The following MUC17 variants were observed in gnomAD, a reference collection of about 807,000 sequenced individuals.
MUC17 encodes the protein mucin 17, cell surface associated, also known as mucin-17.
Under a neutral mutation model 170.3 loss-of-function variants are expected in MUC17, and 190 were observed. That is an observed-to-expected ratio of 1.12 (90% confidence interval 0.99 to 1.26). The LOEUF (loss-of-function observed/expected upper bound fraction) is 1.26. MUC17 is among the 50% of genes most tolerant of loss of function. MUC17 has a pLI of 0.00. For synonymous variants in MUC17, 2,325 were observed against 2,002.5 expected (o/e 1.16, Z -4.30); for missense variants, 6,415 against 5,530.0 (o/e 1.16, Z -5.08).
intron 3 of MUC17, among the ~76,000 whole-genome samples, chr7:101,045,578 A>C (rs551338528): frequency 3.3e-5 from 5 of 152,006 alleles, no homozygotes; most frequent in African/African-American, 1.2e-4. Context: ...TTTTTAGTAG[A>C]GACAGGGTTT....
In MUC17 at chr7:101,034,169, C is replaced by T; in HGVS notation, c.2753C>T (p.Thr918Ile). ...GAAGGTACCAGCATGCCAACCTCAA[C>T]TCCTGGGGAAGGAAGCACTCCATTA... ...TSEGTSMPTSTPGEGSTPLTS... is the reference protein window; with the variant it reads ...TSEGTSMPTSIPGEGSTPLTS... Residue 918 changes from threonine to isoleucine, a missense_variant, in exon 3 of 13, where the codon ACT (threonine) becomes ATT (isoleucine). Coordinates refer to ENST00000306151, the MANE Select transcript of MUC17 (RefSeq NM_001040105.2). 1 of 1,584,636 alleles carries T rather than the reference C, an allele frequency of 6.3e-7. No homozygotes were observed. Among genetic ancestry groups the T allele is most frequent in the African/African-American group, 1.4e-5 (1 of 73,140 alleles).
Position 101,039,319 on chromosome 7 carries a change from T to C in MUC17, c.7903T>C (p.Leu2635=). The change falls in exon 3 of 13, where the codon TTA becomes CTA. Residue 2635 remains leucine (L), a synonymous_variant. Transcript: ENST00000306151. ...AACTCCTAGTGAAGTAAGTACTTCA[T>C]TAACAAGTATACTTGTCAGCACCAT... ...ISTPSEVSTS[L]TSILVSTMPV... The C allele has an allele frequency of 3.7e-5, 59 of 1,613,052 alleles. No individual in the cohort carries two copies. Among genetic ancestry groups the C allele is most frequent in the Non-Finnish European group, 4.9e-5 (58 of 1,179,542 alleles).
At chr7:101,021,369 G>T (rs1156642092) in intron 1 of MUC17, among the ~76,000 whole-genome samples, 1 of 151,892 alleles carries the variant, frequency 6.6e-6, no homozygotes, top group African/African-American at 2.4e-5. Flanking sequence ...TATATTTTTA[G>T]TAAGGACAGG....
rs746525334 is a variant in MUC17, at chr7:101,042,948, A to T, written c.11532A>T (p.Thr3844=). ...TLSTPPGDTS[T]PLLTSTKAGS... is the part of the protein sequence containing the mutation. The stretch of plus-strand genomic sequence containing the variant: ...CAACACCTCCTGGTGATACCAGCAC[A>T]CCTTTGCTCACCTCTACCAAAGCCG... The change falls in exon 3 of 13, where the codon ACA becomes ACT. Residue 3844 remains threonine, a synonymous_variant. Transcript: ENST00000306151. The T allele has an allele frequency of 9.9e-6, 16 of 1,613,926 alleles. No homozygotes were observed. In the African/African-American group the frequency reaches 2.0e-4, roughly 20 times the overall value.
Position 101,056,287 on chromosome 7 carries a change from T to A in MUC17, c.13440+17T>A, listed in dbSNP as rs1018485940. On this transcript the variant is annotated intron_variant, in intron 12 of 12. Coordinates refer to ENST00000306151, the MANE Select transcript of MUC17 (RefSeq NM_001040105.2). ...GAAACAAAGGTAAGAAGGGCCTGGA[T>A]GGGATGCTGGCCTCCCCCAACCCTG... is the stretch of plus-strand genomic sequence containing the variant. 1 of 1,613,266 alleles carries A rather than the reference T, an allele frequency of 6.2e-7. No homozygotes were observed. Among genetic ancestry groups the A allele is most frequent in the Non-Finnish European group, 8.5e-7 (1 of 1,179,568 alleles).
intron 1 of MUC17, among the ~76,000 whole-genome samples, chr7:101,026,897 G>C (rs1794190204): frequency 6.6e-6 from 1 of 151,782 alleles, no homozygotes; most frequent in Non-Finnish European, 1.5e-5. Context: ...TTTATTTTTA[G>C]TACAGACGAG....
Position 101,048,145 on chromosome 7 carries a change from C to T in MUC17, c.12535+30C>T, listed in dbSNP as rs184911765. ...GTGCAACCCCAGGCCTTCCCCCACC[C>T]CATGCCCTGGGACCCGACCTCCATA... On this transcript the variant is annotated intron_variant, in intron 4 of 12. Transcript: ENST00000306151. The T allele has an allele frequency of 2.7e-3, 4,196 of 1,531,006 alleles. 7 individuals are homozygous for T. Among genetic ancestry groups the T allele is most frequent in the Middle Eastern group, 6.2e-3 (28 of 4,538 alleles). 94.8% of individuals were successfully genotyped at this position (1,531,006 alleles called of 1,614,324 possible).
chr7:101,054,330 G>T (rs553779147), intron 11 of MUC17, among the ~76,000 whole-genome samples: 1 of 152,142 alleles, frequency 6.6e-6, no homozygotes, highest in Non-Finnish European at 1.5e-5. Context: ...ATTAGCAGGG[G>T]AGTTGTACCT....
intron 3 of MUC17, among the ~76,000 whole-genome samples, chr7:101,046,590 A>T (rs1251085194): frequency 6.6e-6 from 1 of 152,130 alleles, no homozygotes; most frequent in Non-Finnish European, 1.5e-5. Context: ...AGCCTGAGCA[A>T]CAGAGCAATA....
chr7:101,039,104 G>C lies in MUC17; in HGVS notation c.7688G>C (p.Ser2563Thr). The change falls in exon 3 of 13, where the codon AGC (serine) becomes ACC (threonine). Residue 2563 changes from serine to threonine, a missense_variant. By Grantham distance (58) the Ser-to-Thr change is moderately conservative (BLOSUM62 1). Coordinates refer to ENST00000306151, the MANE Select transcript of MUC17 (RefSeq NM_001040105.2). Reference protein sequence around the residue: ...SSSATSAEGTSMPTSTYSEGS... With the variant: ...SSSATSAEGTTMPTSTYSEGS... Reference sequence around the variant, plus strand: ...TCTGCTACATCCGCTGAAGGTACCAGCATGCCTACCTCAACTTATAGTGAA... The same window carrying C: ...TCTGCTACATCCGCTGAAGGTACCACCATGCCTACCTCAACTTATAGTGAA... The C allele has an allele frequency of 6.2e-7, 1 of 1,613,074 alleles. No homozygotes were observed. The highest frequency in any genetic ancestry group is 1.3e-5 in the African/African-American group (1 of 74,650).
chr7:101,046,999 T>C (rs1288517458), intron 3 of MUC17, among the ~76,000 whole-genome samples: 1 of 150,848 alleles, frequency 6.6e-6, no homozygotes, highest in Non-Finnish European at 1.5e-5. Flanking sequence ...GAGAATGGCG[T>C]GAACCTGGGA....
At position 101,042,112 on chromosome 7, in the gene MUC17, A is replaced by C. The variant is rs1584871462; in HGVS notation, c.10696A>C (p.Met3566Leu). ...TCCAGCAACTCTTCAGGTCACCACT[A>C]TGCGTATGTCTACTCCAAGTGAAGG... ...SSPATLQVTT[M>L]RMSTPSEGSS... The change falls in exon 3 of 13, where the codon ATG becomes CTG. Residue 3566 changes from methionine (M) to leucine (L), a missense_variant. Transcript: ENST00000306151. 1.2e-6 allele frequency: 2 copies of C among 1,614,120 alleles called. No individual in the cohort carries two copies. Among genetic ancestry groups the C allele is most frequent in the African/African-American group, 1.3e-5 (1 of 75,020 alleles).
intron 1 of MUC17, among the ~76,000 whole-genome samples, chr7:101,024,571 C>T (rs984216457): frequency 4.6e-5 from 7 of 152,038 alleles, no homozygotes; most frequent in South Asian, 2.1e-4. Context: ...GCCTGGTCTG[C>T]GGGGCCTCAA....
In MUC17 at chr7:101,042,807, T is replaced by C. The variant is rs756302277; in HGVS notation, c.11391T>C (p.Thr3797=). ...TASEGSSSPT[T]LEGTTTMPMS... ...CTGAAGGCAGTTCATCTCCTACAAC[T>C]CTTGAAGGCACCACCACCATGCCTA... Residue 3797 remains threonine, a synonymous_variant, in exon 3 of 13, where the codon ACT becomes ACC. Transcript: ENST00000306151. 2 of 1,614,060 alleles carry C rather than the reference T, an allele frequency of 1.2e-6. No individual in the cohort carries two copies. The highest frequency in any genetic ancestry group is 1.3e-5 in the African/African-American group (1 of 74,988).
rs765937631 is a variant in MUC17 at position 101,032,503 on chromosome 7, A to C, written c.1087A>C (p.Thr363Pro). The change falls in exon 3 of 13, where the codon ACA becomes CCA. Residue 363 changes from threonine to proline, a missense_variant. Physicochemically the swap from Thr to Pro is conservative, Grantham distance 38. Transcript: ENST00000306151. ...TTCAATAACTCCTGTTGACACCAGC[A>C]CACTTGTGACCACTTCTACTGAACC... ...TLSITPVDTS[T>P]LVTTSTEPSS... 1 of 1,614,164 alleles carries C rather than the reference A, an allele frequency of 6.2e-7. No homozygotes were observed. Among genetic ancestry groups the C allele is most frequent in the South Asian group, 1.1e-5 (1 of 91,084 alleles).
rs766739989 is a variant in MUC17, at chr7:101,050,474, C to A, written c.12723-10C>A. 5.0e-6 allele frequency: 8 copies of A among 1,611,670 alleles called. No homozygotes were observed. The highest frequency in any genetic ancestry group is 6.8e-6 in the Non-Finnish European group (8 of 1,178,574). On this transcript the variant is annotated splice_polypyrimidine_tract_variant and intron_variant, in intron 6 of 12. Transcript: ENST00000306151. ...TTCTGACCCCAGGACGTCTTCCCTT[C>A]CCTCTTCAGTCTTGGCAGTGTGGTG...
chr7:101,043,584 A>G lies in MUC17; in HGVS notation c.12168A>G (p.Thr4056=). 6.2e-7 allele frequency: 1 copy of G among 1,614,084 alleles called. No homozygotes were observed. Among genetic ancestry groups the G allele is most frequent in the Non-Finnish European group, 8.5e-7 (1 of 1,179,998 alleles). ...CATCAGAATCCAGCAGGCCGTCAAC[A>G]ATTACTTCTCACACCATCCCACCTA... is the stretch of plus-strand genomic sequence containing the variant. ...TPSSESSRPS[T]ITSHTIPPTF... is the part of the protein sequence containing the mutation. Residue 4056 remains threonine, a synonymous_variant, in exon 3 of 13, where the codon ACA becomes ACG. Transcript: ENST00000306151.
Position 101,029,765 on chromosome 7 carries a change from A to C in MUC17, c.83-1355A>C, listed in dbSNP as rs569812449. Among the ~76,000 whole-genome samples, 184 of 151,872 alleles carry C rather than the reference A, an allele frequency of 1.2e-3. 1 individual carries two copies. Among genetic ancestry groups the C allele is most frequent in the African/African-American group, 4.4e-3 (181 of 41,422 alleles). ...AGGTGCACGCCGCCGCACCCGGCTAATTTTTGTATTTTTAGTAGAGACAGG... is the reference window on the plus strand; with the variant it reads ...AGGTGCACGCCGCCGCACCCGGCTACTTTTTGTATTTTTAGTAGAGACAGG... On this transcript the variant is annotated intron_variant, in intron 1 of 12. Transcript: ENST00000306151.
At chr7:101,020,917 A>AGCTCCCTCT (rs1794065320) in intron 1 of MUC17, among the ~76,000 whole-genome samples, 2 of 152,118 alleles carry the variant, frequency 1.3e-5, no homozygotes, top group Admixed American at 6.5e-5. Context: ...ACTCTCTGGG[A>AGCTCCCTCT]GCTCCCTCTG....
Sources: allele counts gnomAD v4.1 joint callset (sites outside exome capture counted in the v4.1 genomes callset), GRCh38; gene constraint gnomAD v4.1.1; transcripts MANE v1.5; gene names NCBI Gene and HGNC (gene_info 2026-07-23, HGNC 2026-07-21).